Variants in LPP observed in about 807,000 individuals in gnomAD.
LPP encodes the protein lipoma-preferred partner.
Under a neutral mutation model 60.4 loss-of-function variants are expected in LPP, and 38 were observed. The observed-to-expected ratio is 0.63, with a 90% CI of 0.49 to 0.83. LPP has a LOEUF of 0.83. Ranked by LOEUF, LPP falls within the 40% of genes least tolerant of loss-of-function variation. The pLI is 0.00. For missense variants in LPP, 902 were observed against 783.6 expected (o/e 1.15, Z -1.80); for synonymous variants, 328 against 290.8 (o/e 1.13, Z -1.30).
At chr3:188,487,187 T>C (rs972189933) in intron 5 of LPP, among the ~76,000 whole-genome samples, 1 of 152,190 alleles carries the variant, frequency 6.6e-6, no homozygotes, top group African/African-American at 2.4e-5. Context: ...TTCCTCTTCA[T>C]TAGAAACAAA....
At chr3:188,587,417 G>C (rs557537776) in intron 6 of LPP, among the ~76,000 whole-genome samples, 1 of 151,792 alleles carries the variant, frequency 6.6e-6, no homozygotes, top group South Asian at 2.1e-4. Flanking sequence ...AGCCCAAGAA[G>C]ACATTTATAG....
intron 2 of LPP, among the ~76,000 whole-genome samples, chr3:188,315,283 G>A (rs1331019529): frequency 1.3e-5 from 2 of 151,956 alleles, no homozygotes; most frequent in African/African-American, 4.8e-5. Context: ...TCTGCTATGT[G>A]TATCCATCTT....
chr3:188,632,333 G>C (rs746344156), intron 7 of LPP, among the ~76,000 whole-genome samples: 3 of 152,152 alleles, frequency 2.0e-5, no homozygotes, highest in Non-Finnish European at 4.4e-5. Flanking sequence ...TGAATGTTCA[G>C]GAAAACCTTT....
At chr3:188,735,673 T>C (rs1722252222) in intron 8 of LPP, among the ~76,000 whole-genome samples, 1 of 152,170 alleles carries the variant, frequency 6.6e-6, no homozygotes, top group Non-Finnish European at 1.5e-5. Flanking sequence ...CATGAGCCAC[T>C]GTGCCTGGCC....
At chr3:188,829,748 G>A (rs1756625798) in intron 9 of LPP, among the ~76,000 whole-genome samples, 1 of 152,150 alleles carries the variant, frequency 6.6e-6, no homozygotes, top group Non-Finnish European at 1.5e-5. Context: ...TGAATGACCT[G>A]AGTCCTCACC....
At chr3:188,511,968 G>A (rs893533511) in intron 5 of LPP, among the ~76,000 whole-genome samples, 6 of 152,120 alleles carry the variant, frequency 3.9e-5, no homozygotes, top group East Asian at 1.9e-4. Flanking sequence ...TGAAATGTAC[G>A]AGATGTCGTT....
At chr3:188,694,824 GAGACTA>G (rs1577065791) in intron 7 of LPP, among the ~76,000 whole-genome samples, 1 of 152,210 alleles carries the variant, frequency 6.6e-6, no homozygotes, top group African/African-American at 2.4e-5. Flanking sequence ...TGTGCGCAGA[GAGACTA>G]TATCATTAAA....
chr3:188,712,132 ATTG>A (rs1308997151), intron 8 of LPP: 1 of 152,256 alleles, frequency 6.6e-6, no homozygotes, highest in Non-Finnish European at 1.5e-5. Flanking sequence ...GCCCTTGCAC[ATTG>A]AGATCACATG....
At chr3:188,487,738 A>T (rs1807002427) in intron 5 of LPP, among the ~76,000 whole-genome samples, 1 of 152,226 alleles carries the variant, frequency 6.6e-6, no homozygotes, top group South Asian at 2.1e-4. Flanking sequence ...AGCCTAAAGT[A>T]GCATGATCAC....
chr3:188,496,813 C>T (rs998882357), intron 5 of LPP, among the ~76,000 whole-genome samples: 1 of 152,152 alleles, frequency 6.6e-6, no homozygotes, highest in Admixed American at 6.6e-5. Context: ...TGTATCTCTA[C>T]ATATTGGAAG....
Position 188,485,796 on chromosome 3 carries a change from C to CAAAAAAAAAAAAAAA in LPP, c.306+1096_306+1110dup, listed in dbSNP as rs766522013. Among the ~76,000 whole-genome samples the CAAAAAAAAAAAAAAA allele has an allele frequency of 5.0e-4, 20 of 40,158 alleles. 3 individuals carry two copies. The highest frequency in any genetic ancestry group is 5.5e-4 in the Non-Finnish European group (13 of 23,622). 26.3% of individuals were successfully genotyped at this position (40,158 alleles called of 152,430 possible). ...TGGGCGACAGAGCGAGACTCCGTCT[C>CAAAAAAAAAAAAAAA]AAAAAAAAAAAAAAAAAATGGAATG... On this transcript the variant is annotated intron_variant, in intron 5 of 11. Coordinates refer to ENST00000617246, the MANE Select transcript of LPP (RefSeq NM_001375462.1).
chr3:188,281,964 C>G (rs1372894631), intron 2 of LPP, among the ~76,000 whole-genome samples: 1 of 152,150 alleles, frequency 6.6e-6, no homozygotes, highest in Non-Finnish European at 1.5e-5. Context: ...AGAGGGATAA[C>G]TGTAACCTTT....
At chr3:188,769,223 G>T (rs1735100488) in intron 9 of LPP, among the ~76,000 whole-genome samples, 1 of 152,176 alleles carries the variant, frequency 6.6e-6, no homozygotes, top group South Asian at 2.1e-4. Context: ...GATTGAATGT[G>T]CTTTGGAAAG....
intron 7 of LPP, among the ~76,000 whole-genome samples, chr3:188,643,076 G>T (rs897603147): frequency 6.6e-6 from 1 of 152,166 alleles, no homozygotes; most frequent in Non-Finnish European, 1.5e-5. Context: ...GACTAGGAAT[G>T]AATGAGAGGA....
chr3:188,211,831 C>CA (rs1734782183), intron 1 of LPP, among the ~76,000 whole-genome samples: 1 of 144,682 alleles, frequency 6.9e-6, no homozygotes, highest in Non-Finnish European at 1.5e-5. Flanking sequence ...TGTTCTTTTT[C>CA]TTTTTTTTTT....
At chr3:188,228,210 G>C (rs1444367219) in intron 2 of LPP, among the ~76,000 whole-genome samples, 1 of 152,202 alleles carries the variant, frequency 6.6e-6, no homozygotes, top group Non-Finnish European at 1.5e-5. Flanking sequence ...GGATTCTGCT[G>C]CAAGATTCTG....
At chr3:188,297,579 A>G (rs1451712359) in intron 2 of LPP, among the ~76,000 whole-genome samples, 1 of 152,200 alleles carries the variant, frequency 6.6e-6, no homozygotes, top group Admixed American at 6.5e-5. Flanking sequence ...AATGTGAGTC[A>G]GTAGTTTATA....
intron 1 of LPP, among the ~76,000 whole-genome samples, chr3:188,173,226 C>T (rs1277697695): frequency 6.6e-6 from 1 of 152,118 alleles, no homozygotes; most frequent in Non-Finnish European, 1.5e-5. Flanking sequence ...ACAGGTCAGG[C>T]GCGGTGGCTC....
At chr3:188,671,363 TAA>T (rs1348522689) in intron 7 of LPP, among the ~76,000 whole-genome samples, 7 of 152,204 alleles carry the variant, frequency 4.6e-5, no homozygotes, top group Non-Finnish European at 1.0e-4. Context: ...TTAAAGGCTA[TAA>T]AAATTTAACA....
Sources: allele counts gnomAD v4.1 joint callset (sites outside exome capture counted in the v4.1 genomes callset), GRCh38; gene constraint gnomAD v4.1.1; transcripts MANE v1.5; gene names NCBI Gene and HGNC (gene_info 2026-07-23, HGNC 2026-07-21).